Variants in ABCA2 observed in about 807,000 individuals in gnomAD.
ABCA2 encodes the protein ATP binding cassette subfamily A member 2.
Under a neutral mutation model 262.8 loss-of-function variants are expected in ABCA2, and 84 were observed. The ratio of observed to expected loss-of-function variants is 0.32; its 90% CI spans 0.27 to 0.38. The LOEUF (loss-of-function observed/expected upper bound fraction) is 0.38. ABCA2 is among the 10% of genes least tolerant of loss of function. The pLI is 1.00. For missense variants in ABCA2, 2,662 were observed against 3,405.9 expected, an observed-to-expected ratio of 0.78 and a Z score of 5.44; for synonymous variants, 1,696 against 1,502.9, an observed-to-expected ratio of 1.13 and a Z score of -2.97.
Position 137,022,466 on chromosome 9 carries a change from G to T in ABCA2, c.452C>A (p.Ser151Tyr). The T allele has an allele frequency of 6.2e-7, 1 of 1,611,794 alleles. No individual in the cohort carries two copies. Among genetic ancestry groups the T allele is most frequent in the Non-Finnish European group, 8.5e-7 (1 of 1,179,678 alleles). Residue 151 changes from serine (S) to tyrosine (Y), a missense_variant, in exon 6 of 49, where the codon TCT becomes TAT. By Grantham distance (144) the Ser-to-Tyr change is moderately radical (BLOSUM62 -2). Around this residue, in one of 12 missense-constraint regions of ABCA2, gnomAD observed 403 missense variants for 375.9 expected, o/e 1.07. Coordinates refer to ENST00000341511, the MANE Select transcript of ABCA2 (RefSeq NM_001606.5). ...HLDRSTVSSFSLDSVARNPQE... is the reference protein window; with the variant it reads ...HLDRSTVSSFYLDSVARNPQE... Reference sequence around the variant, plus strand: ...CGGGTTTCTGGCCACCGAGTCCAGAGAGAAGGAAGACACTGGACAGGCAGG... The same window carrying T: ...CGGGTTTCTGGCCACCGAGTCCAGATAGAAGGAAGACACTGGACAGGCAGG...
In ABCA2 at chr9:137,016,962, C is replaced by A; in HGVS notation, c.2716G>T (p.Val906Phe). 1.9e-6 allele frequency: 3 copies of A among 1,612,772 alleles called. No homozygotes were observed. Among genetic ancestry groups the A allele is most frequent in the Non-Finnish European group, 2.5e-6 (3 of 1,179,994 alleles). The stretch of plus-strand genomic sequence containing the variant: ...ATGTACCACGTGAGGATGCCATAGA[C>A]CACGGCGTCCACCATCAGCATGGTG... ...AVTMLMVDAV[V>F]YGILTWYIEA... is the part of the protein sequence containing the mutation. Residue 906 changes from valine (V) to phenylalanine (F), a missense_variant, in exon 19 of 49, where the codon GTC (valine) becomes TTC (phenylalanine). Physicochemically the swap from Val to Phe is conservative, Grantham distance 50. This residue lies in a region of ABCA2 where 133 missense variants were observed against 150.8 expected (regional missense o/e 0.88). Coordinates refer to ENST00000341511, the MANE Select transcript of ABCA2 (RefSeq NM_001606.5).
intron 39 of ABCA2, 95 bp downstream of exon 39, chr9:137,010,872 TCCTGCC>T: frequency 3.2e-6 from 2 of 625,608 alleles, no homozygotes; most frequent in Non-Finnish European, 4.5e-6. Context: ...CCTCACCCCC[TCCTGCC>T]CCATCCCTGC....
rs777184536 is a variant in ABCA2, at chr9:137,021,470, A to T, written c.819T>A (p.Ala273=). ...CAGAGAAGCGCCTGGCACGCGCAGC[A>T]GCCTGCCCACTGCAGACAGCATCCC... ...GYRDAVCSGQ[A]AARARRFSGL... is the part of the protein sequence containing the mutation. Residue 273 remains alanine, a synonymous_variant, in exon 8 of 49, where the codon GCT becomes GCA. Transcript: ENST00000341511. This position sits in a 1 kb window ranked among gnomAD's most constrained non-coding sequence, Gnocchi z 6.0. The T allele has an allele frequency of 3.1e-6, 5 of 1,612,126 alleles. No homozygotes were observed. Among genetic ancestry groups the T allele is most frequent in the Non-Finnish European group, 3.4e-6 (4 of 1,179,732 alleles).
Position 137,021,210 on chromosome 9 carries a change from A to G in ABCA2, c.898-149T>C. 7.5e-7 allele frequency: 1 copy of G among 1,333,404 alleles called. No individual in the cohort carries two copies. Among genetic ancestry groups the G allele is most frequent in the Non-Finnish European group, 1.0e-6 (1 of 1,004,210 alleles). The allele number at this position is 1,333,404 out of a possible 1,614,324, so 82.6% of individuals were successfully genotyped here. On this transcript the variant is annotated intron_variant, in intron 8 of 48. Transcript: ENST00000341511. The surrounding 1 kb of genome is among the most constrained non-coding windows in gnomAD (Gnocchi z 6.0). The stretch of plus-strand genomic sequence containing the variant: ...GCAGCCTGGGTAACGGGAGCCCAGG[A>G]CAGGAGCTGGGATGGTGAGCAGGAG...
Position 137,017,791 on chromosome 9 carries a change from T to C in ABCA2, c.2207A>G (p.Lys736Arg). Residue 736 changes from lysine (K) to arginine (R), a missense_variant, in exon 16 of 49, where the codon AAG becomes AGG. This residue lies in a region of ABCA2 where 188 missense variants were observed against 343.4 expected (regional missense o/e 0.55). Transcript: ENST00000341511. ...HIVAEKEHRL[K>R]EVMKTMGLNN... ...GGAGAGTCCCGGCCCGCGCACCTCCTTGAGCCGGTGCTCCTTCTCCGCCAC... is the reference window on the plus strand; with the variant it reads ...GGAGAGTCCCGGCCCGCGCACCTCCCTGAGCCGGTGCTCCTTCTCCGCCAC... 1 of 1,612,458 alleles carries C rather than the reference T, an allele frequency of 6.2e-7. No homozygotes were observed. The highest frequency in any genetic ancestry group is 8.5e-7 in the Non-Finnish European group (1 of 1,179,786).
In ABCA2 at chr9:137,021,688, C is replaced by T; in HGVS notation, c.679-78G>A. ...CACTAGGGCCTCAGGCCTCACCCTG[C>T]CCCACCCACTGGCTGGCTCTGGGGC... On this transcript the variant is annotated intron_variant, in intron 7 of 48. Coordinates refer to ENST00000341511, the MANE Select transcript of ABCA2 (RefSeq NM_001606.5). This position sits in a 1 kb window ranked among gnomAD's most constrained non-coding sequence, Gnocchi z 6.0. The T allele has an allele frequency of 6.9e-7, 1 of 1,444,310 alleles. No homozygotes were observed. The highest frequency in any genetic ancestry group is 9.4e-7 in the Non-Finnish European group (1 of 1,067,530). The allele number at this position is 1,444,310 out of a possible 1,614,324, so 89.5% of individuals were successfully genotyped here. A position where few individuals can be genotyped will look rare whatever the true frequency, so the allele number is the denominator to read the frequency against.
chr9:137,027,755 G>A (rs1831700290), intron 1 of ABCA2: 1 of 152,300 alleles, frequency 6.6e-6, no homozygotes, highest in South Asian at 2.1e-4. Flanking sequence ...TCGAGCCAGA[G>A]TCCTGAGCGC....
In ABCA2 at chr9:137,021,615, G is replaced by A. The variant is rs751736997; in HGVS notation, c.679-5C>T. 16 of 1,549,974 alleles carry A rather than the reference G, an allele frequency of 1.0e-5. No individual in the cohort carries two copies. Among genetic ancestry groups the A allele is most frequent in the Non-Finnish European group, 1.2e-5 (14 of 1,148,480 alleles). On this transcript the variant is annotated splice_region_variant and splice_polypyrimidine_tract_variant and intron_variant, in intron 7 of 48. Coordinates refer to ENST00000341511, the MANE Select transcript of ABCA2 (RefSeq NM_001606.5). The surrounding 1 kb of genome is among the most constrained non-coding windows in gnomAD (Gnocchi z 6.0). ...GGCAGGAGCCAGCAGCAGCTCCTGG[G>A]ATGGGCACAGGGGTCCGTGGAGCCA...
chr9:137,021,008 T>G lies in ABCA2; in HGVS notation c.951A>C (p.Pro317=), dbSNP rs560666806. ...GSDSSPQAPP[P]RRLQALLGDL... ...CCCCCAGAAGCGCCTGCAGCCTCCG[T>G]GGGGGTGGCGCCTGTGGCGAGGAGT... Residue 317 remains proline, a synonymous_variant, in exon 9 of 49, where the codon CCA becomes CCC. Transcript: ENST00000341511. This position sits in a 1 kb window ranked among gnomAD's most constrained non-coding sequence, Gnocchi z 6.0. The G allele has an allele frequency of 2.9e-5, 44 of 1,494,754 alleles. No homozygotes were observed. In the South Asian group the frequency reaches 4.5e-4, roughly 15 times the overall value. 92.6% of individuals were successfully genotyped at this position (1,494,754 alleles called of 1,614,324 possible). A position where few individuals can be genotyped will look rare whatever the true frequency, so the allele number is the denominator to read the frequency against.
At chr9:137,022,649 C>T in intron 5 of ABCA2, 53 bp downstream of exon 5, 2 of 1,579,390 alleles carry the variant, frequency 1.3e-6, no homozygotes, top group South Asian at 1.1e-5. Flanking sequence ...AGCCCAGTGA[C>T]AGCAGAGCTT....
At chr9:137,024,523 G>A (rs1002014429) in intron 1 of ABCA2, among the ~76,000 whole-genome samples, 2 of 152,218 alleles carry the variant, frequency 1.3e-5, no homozygotes, top group African/African-American at 4.8e-5. Context: ...CCAGCTTGTG[G>A]TCTACTCTGA....
intron 45 of ABCA2, 117 bp downstream of exon 45, chr9:137,009,253 C>T (rs1357541700): frequency 5.4e-6 from 5 of 923,784 alleles, no homozygotes; most frequent in Non-Finnish European, 6.3e-6. Flanking sequence ...CCAGTGCCCC[C>T]AGCCCCCCTG....
rs552884113 is a variant in ABCA2 at position 137,015,149 on chromosome 9, G to A, written c.3698-52C>T. The A allele has an allele frequency of 7.2e-6, 11 of 1,521,310 alleles. No homozygotes were observed. The Admixed American group carries it at 8.5e-5, about 12-fold the overall frequency. 94.2% of individuals were successfully genotyped at this position (1,521,310 alleles called of 1,614,324 possible). A position where few individuals can be genotyped will look rare whatever the true frequency, so the allele number is the denominator to read the frequency against. On this transcript the variant is annotated intron_variant, in intron 24 of 48. Transcript: ENST00000341511. ...AATTCACTCAGGGGCTGGGAGGAGG[G>A]ACCCCCAATGGGAACCCAACTGGGT...
chr9:137,022,427 C>T lies in ABCA2; in HGVS notation c.491G>A (p.Arg164His), dbSNP rs34039859. The change falls in exon 6 of 49, where the codon CGT becomes CAT. Residue 164 changes from arginine (R) to histidine (H), a missense_variant. Physicochemically the swap from Arg to His is conservative, Grantham distance 29. This residue lies in a region of ABCA2 where 403 missense variants were observed against 375.9 expected (regional missense o/e 1.07). Transcript: ENST00000341511. Reference sequence around the variant, plus strand: ...CAGCGACAAGTTTTGCGTCAGGAAACGCCAGAGCTCCTGCGGGTTTCTGGC... The same window carrying T: ...CAGCGACAAGTTTTGCGTCAGGAAATGCCAGAGCTCCTGCGGGTTTCTGGC... The part of the protein sequence containing the change: ...SVARNPQELW[R>H]FLTQNLSLPN... The T allele has an allele frequency of 0.066, 106,288 of 1,611,654 alleles. 3,883 individuals are homozygous for T. The highest frequency in any genetic ancestry group is 0.073 in the Non-Finnish European group (85,748 of 1,179,540).
intron 1 of ABCA2, 100 bp from the exon 2 acceptor site, chr9:137,024,336 G>T (rs71508885): frequency 0.044 from 44,686 of 1,012,962 alleles, 1,201 homozygotes; most frequent in South Asian, 0.063. Context: ...AGGACCACGT[G>T]CTCCCTGGGG....
At position 137,013,932 on chromosome 9, in the gene ABCA2, G is replaced by C. The variant is rs1363696896; in HGVS notation, c.4347C>G (p.His1449Gln). ...QFHGLLVKRF[H>Q]CARRNSKALF... ...GTGCCTTGGAGTTGCGGCGGGCGCA[G>C]TGGAAGCGTTTGACCAGCAGCCCGT... The change falls in exon 28 of 49, where the codon CAC becomes CAG. Residue 1449 changes from histidine to glutamine, a missense_variant. By Grantham distance (24) the His-to-Gln change is conservative. Around this residue, in one of 12 missense-constraint regions of ABCA2, gnomAD observed 75 missense variants for 118.3 expected, o/e 0.63. Transcript: ENST00000341511. The C allele has an allele frequency of 6.2e-7, 1 of 1,610,550 alleles. No homozygotes were observed. The highest frequency in any genetic ancestry group is 1.7e-5 in the Admixed American group (1 of 59,840).
chr9:137,007,914 C>T lies in ABCA2; in HGVS notation c.*15G>A, dbSNP rs373133213. On this transcript the variant is annotated 3_prime_UTR_variant, in exon 49 of 49. Transcript: ENST00000341511. ...GGTCAGTGGAGCGTGTCCTCCCTGG[C>T]CCAGCTCTGGGTGGTCAGCAGAGCG... is the stretch of plus-strand genomic sequence containing the variant. 2 of 1,605,158 alleles carry T rather than the reference C, an allele frequency of 1.2e-6. No individual in the cohort carries two copies. Among genetic ancestry groups the T allele is most frequent in the Non-Finnish European group, 1.7e-6 (2 of 1,179,798 alleles).
At chr9:137,018,654 G>A in intron 13 of ABCA2, 65 bp downstream of exon 13, 1 of 1,376,482 alleles carries the variant, frequency 7.3e-7, no homozygotes, top group Non-Finnish European at 9.8e-7. Flanking sequence ...AGGGGGACGG[G>A]TGGGGCTGGG....
At position 137,021,198 on chromosome 9, in the gene ABCA2, C is replaced by T. The variant is rs990790747; in HGVS notation, c.898-137G>A. Reference sequence around the variant, plus strand: ...GGGAGGGAGTCTGCAGCCTGGGTAACGGGAGCCCAGGACAGGAGCTGGGAT... The same window carrying T: ...GGGAGGGAGTCTGCAGCCTGGGTAATGGGAGCCCAGGACAGGAGCTGGGAT... On this transcript the variant is annotated intron_variant, in intron 8 of 48. Transcript: ENST00000341511. This position sits in a 1 kb window ranked among gnomAD's most constrained non-coding sequence, Gnocchi z 6.0. 96 of 1,362,256 alleles carry T rather than the reference C, an allele frequency of 7.0e-5. No homozygotes were observed. The highest frequency in any genetic ancestry group is 1.4e-4 in the Admixed American group (5 of 35,582). 84.4% of individuals were successfully genotyped at this position (1,362,256 alleles called of 1,614,324 possible). A position where few individuals can be genotyped will look rare whatever the true frequency, so the allele number is the denominator to read the frequency against.
Sources: gnomAD v4.1 joint callset for allele counts (sites outside exome capture counted in the v4.1 genomes callset) on GRCh38, gnomAD v4.1.1 for gene constraint, gnomAD v4.1.1 regional missense constraint, Gnocchi (gnomAD v3.1) non-coding constraint, MANE v1.5 for transcripts, NCBI Gene and HGNC (gene_info 2026-07-23, HGNC 2026-07-21) for gene names.